Variants in DPP10 observed in about 807,000 individuals in gnomAD.
DPP10 encodes the protein dipeptidyl peptidase like 10.
A neutral mutation model predicts 120.9 loss-of-function variants in DPP10; 33 were observed. The observed-to-expected ratio is 0.27, with a 90% CI of 0.21 to 0.37. The LOEUF (loss-of-function observed/expected upper bound fraction) is 0.37. Ranked by LOEUF, DPP10 falls within the 10% of genes least tolerant of loss-of-function variation. The pLI, the probability that DPP10 is intolerant of heterozygous loss-of-function variation, is 1.00. For synonymous variants in DPP10, 337 were observed against 326.1 expected, an observed-to-expected ratio of 1.03 and a Z score of -0.36; for missense variants, 816 against 942.8, an observed-to-expected ratio of 0.87 and a Z score of 1.76.
chr2:114,526,790 C>T (rs1685537522), intron 1 of DPP10, among the ~76,000 whole-genome samples: 1 of 152,120 alleles, frequency 6.6e-6, no homozygotes, highest in South Asian at 2.1e-4. Flanking sequence ...CTAATCACCT[C>T]CCCAAAGCCC....
At chr2:115,435,478 G>T (rs896031848) in intron 3 of DPP10, among the ~76,000 whole-genome samples, 7 of 151,654 alleles carry the variant, frequency 4.6e-5, no homozygotes, top group Admixed American at 6.6e-5. Context: ...TATGCCTGTT[G>T]ACCATCTTTA....
chr2:115,787,675 G>C (rs1218879436), intron 17 of DPP10, among the ~76,000 whole-genome samples: 1 of 151,916 alleles, frequency 6.6e-6, no homozygotes, highest in Non-Finnish European at 1.5e-5. Flanking sequence ...ATGCAATAAC[G>C]GCCAAAAATT....
At chr2:115,796,923 T>G (rs1278616562) in intron 19 of DPP10, among the ~76,000 whole-genome samples, 1 of 152,058 alleles carries the variant, frequency 6.6e-6, no homozygotes, top group Non-Finnish European at 1.5e-5. Context: ...GTTTTATATA[T>G]CTATTTTCTG....
At chr2:115,395,557 C>G (rs570869746) in intron 3 of DPP10, among the ~76,000 whole-genome samples, 1 of 152,268 alleles carries the variant, frequency 6.6e-6, no homozygotes, top group Admixed American at 6.5e-5. Context: ...TTTTACTTGA[C>G]TGATTAATGT....
chr2:114,785,874 G>T (rs1574183549), intron 1 of DPP10, among the ~76,000 whole-genome samples: 1 of 152,268 alleles, frequency 6.6e-6, no homozygotes, highest in South Asian at 2.1e-4. Context: ...CAACTAAGAG[G>T]AGTAACATAA....
chr2:115,008,942 AG>A (rs752433321), intron 1 of DPP10, among the ~76,000 whole-genome samples: 1 of 90,708 alleles, frequency 1.1e-5, no homozygotes, highest in Non-Finnish European at 2.3e-5. Context: ...GGTGCTGGAG[AG>A]GATGTGGAGA....
intron 5 of DPP10, among the ~76,000 whole-genome samples, chr2:115,568,344 G>A (rs2081135774): frequency 1.3e-5 from 2 of 151,682 alleles, no homozygotes. Flanking sequence ...TTAGCCAGGG[G>A]TTTTGGTGTG....
chr2:115,110,790 A>G (rs1326559944), intron 1 of DPP10, among the ~76,000 whole-genome samples: 1 of 151,998 alleles, frequency 6.6e-6, no homozygotes, highest in African/African-American at 2.4e-5. Flanking sequence ...CCCCTGATTT[A>G]CTAGCTTTAG....
chr2:115,481,057 C>G (rs1301178663), intron 3 of DPP10, among the ~76,000 whole-genome samples: 1 of 151,936 alleles, frequency 6.6e-6, no homozygotes, highest in Non-Finnish European at 1.5e-5. Flanking sequence ...TAAGAAAACC[C>G]AGGGTACTTT....
chr2:114,728,779 G>A (rs563118926), intron 1 of DPP10, among the ~76,000 whole-genome samples: 13 of 152,270 alleles, frequency 8.5e-5, no homozygotes, highest in African/African-American at 1.2e-4. Context: ...GTCTCATTCC[G>A]TATAGTTGGA....
At chr2:115,726,765 G>T (rs573329988) in intron 7 of DPP10, among the ~76,000 whole-genome samples, 1 of 152,218 alleles carries the variant, frequency 6.6e-6, no homozygotes, top group Non-Finnish European at 1.5e-5. Context: ...TTGTCACTGT[G>T]CACACCAAGA....
intron 1 of DPP10, among the ~76,000 whole-genome samples, chr2:114,952,023 A>G (rs966667230): frequency 6.6e-6 from 1 of 151,952 alleles, no homozygotes; most frequent in Non-Finnish European, 1.5e-5. Context: ...TATATTTTAT[A>G]AATAGTAACT....
chr2:115,321,515 G>GTTTTTTTTTTTT (rs35046366), intron 2 of DPP10, among the ~76,000 whole-genome samples: 4 of 121,586 alleles, frequency 3.3e-5, no homozygotes, highest in Non-Finnish European at 6.6e-5. Flanking sequence ...TTTTTTTAGT[G>GTTTTTTTTTTTT]TTTTTTTTTT....
rs1690249654 is a variant in DPP10 at position 115,842,415 on chromosome 2, T to C, written c.*70T>C. ...GAAACCTGACAAAGAGACTGTAATA[T>C]TGTAGTTGCTCCAGAATGTCAAGGG... is the stretch of plus-strand genomic sequence containing the variant. On this transcript the variant is annotated 3_prime_UTR_variant, in exon 26 of 26. Coordinates refer to ENST00000410059, the MANE Select transcript of DPP10 (RefSeq NM_020868.6). The C allele has an allele frequency of 2.0e-6, 3 of 1,523,494 alleles. No homozygotes were observed. The South Asian group carries it at 3.8e-5, about 19-fold the overall frequency. The allele number at this position is 1,523,494 out of a possible 1,614,324, so 94.4% of individuals were successfully genotyped here.
intron 3 of DPP10, among the ~76,000 whole-genome samples, chr2:115,499,201 T>C (rs1448381153): frequency 6.6e-6 from 1 of 152,088 alleles, no homozygotes; most frequent in East Asian, 1.9e-4. Flanking sequence ...GGCACTTCTC[T>C]TTGCCCATTT....
chr2:115,777,992 C>T (rs1682320566), intron 15 of DPP10, among the ~76,000 whole-genome samples, 158 bp downstream of exon 15: 2 of 152,088 alleles, frequency 1.3e-5, no homozygotes, highest in South Asian at 4.1e-4. Flanking sequence ...CCAGTCTCTC[C>T]CTTGACAGGA....
At chr2:114,965,704 C>T (rs13430639) in intron 1 of DPP10, among the ~76,000 whole-genome samples, 36,665 of 151,696 alleles carry the variant, frequency 0.24, 4,729 homozygotes, top group Admixed American at 0.3. Context: ...GGAGGCCGGG[C>T]GCGGTGGCTC....
chr2:115,459,752 A>G (rs2073868773), intron 3 of DPP10, among the ~76,000 whole-genome samples: 1 of 151,854 alleles, frequency 6.6e-6, no homozygotes, highest in Non-Finnish European at 1.5e-5. Flanking sequence ...TTGTGTGTGT[A>G]TATTCACATA....
chr2:114,874,960 C>T (rs1247374039), intron 1 of DPP10, among the ~76,000 whole-genome samples: 2 of 152,078 alleles, frequency 1.3e-5, no homozygotes, highest in Non-Finnish European at 2.9e-5. Context: ...AGGTATATGC[C>T]AGGTTCAACA....
Sources: gnomAD v4.1 joint callset for allele counts (sites outside exome capture counted in the v4.1 genomes callset) on GRCh38, gnomAD v4.1.1 for gene constraint, MANE v1.5 for transcripts, NCBI Gene and HGNC (gene_info 2026-07-23, HGNC 2026-07-21) for gene names.